Variants in SRP54 observed in about 807,000 individuals in gnomAD.
SRP54 encodes the protein signal recognition particle 54, also known as signal recognition particle subunit SRP54.
A neutral mutation model predicts 64.8 loss-of-function variants in SRP54; 10 were observed. That is an observed-to-expected ratio of 0.15 (90% CI 0.10 to 0.26). The LOEUF (loss-of-function observed/expected upper bound fraction) is 0.26, where lower values mean the gene tolerates loss of function less well. Among genes scored for constraint, SRP54 ranks in the 10% least tolerant of loss-of-function variants. SRP54 has a pLI of 1.00. For missense variants in SRP54, 325 were observed against 613.7 expected, an observed-to-expected ratio of 0.53 and a Z score of 4.97; for synonymous variants, 193 against 185.6, an observed-to-expected ratio of 1.04 and a Z score of -0.32.
chr14:34,984,660 C>T (rs1257535758), intron 1 of SRP54, among the ~76,000 whole-genome samples: 2 of 152,156 alleles, frequency 1.3e-5, no homozygotes, highest in Non-Finnish European at 2.9e-5. Flanking sequence ...TGCCACCACG[C>T]CCAGCTAATT....
chr14:34,984,838 T>C (rs2043868827), intron 1 of SRP54, among the ~76,000 whole-genome samples: 1 of 151,926 alleles, frequency 6.6e-6, no homozygotes, highest in Non-Finnish European at 1.5e-5. Context: ...CATGAGTTGA[T>C]AGTTCTGTAC....
chr14:35,023,275 T>G (rs143469267), intron 14 of SRP54, among the ~76,000 whole-genome samples, 195 bp downstream of exon 14: 81 of 151,980 alleles, frequency 5.3e-4, no homozygotes, highest in African/African-American at 1.8e-3. Context: ...ACTTTACATC[T>G]GTGTAGTGTG....
chr14:35,015,219 G>A (rs1256491537), intron 11 of SRP54, among the ~76,000 whole-genome samples: 1 of 152,122 alleles, frequency 6.6e-6, no homozygotes, highest in Non-Finnish European at 1.5e-5. Context: ...TGGGATTACG[G>A]GCACGTACCA....
chr14:35,011,694 C>G (rs922604272), intron 8 of SRP54, 35 bp downstream of exon 8: 8 of 1,433,208 alleles, frequency 5.6e-6, no homozygotes, highest in African/African-American at 1.4e-5. Flanking sequence ...ATTATTAGGA[C>G]TTTGGTTAAT....
chr14:34,995,076 C>T (rs980159943), intron 1 of SRP54, among the ~76,000 whole-genome samples: 2 of 148,062 alleles, frequency 1.4e-5, no homozygotes, highest in African/African-American at 5.0e-5. Context: ...GCCACTGTAC[C>T]TGGCCTTTTT....
intron 13 of SRP54, among the ~76,000 whole-genome samples, chr14:35,020,474 AGTCAGTTCT>A (rs1299275091): frequency 2.6e-5 from 4 of 152,228 alleles, no homozygotes; most frequent in African/African-American, 9.6e-5. Flanking sequence ...CCAAAATTGG[AGTCAGTTCT>A]GTCAAACCCT....
intron 8 of SRP54, 139 bp from the exon 9 acceptor site, chr14:35,013,207 G>A (rs910375552): frequency 1.3e-5 from 9 of 716,578 alleles, no homozygotes; most frequent in Middle Eastern, 4.1e-4. Flanking sequence ...CACCTGGCTC[G>A]GCCTCCCAAA....
At chr14:35,020,027 A>G (rs558867643) in intron 13 of SRP54, among the ~76,000 whole-genome samples, 34 of 152,040 alleles carry the variant, frequency 2.2e-4, no homozygotes, top group Non-Finnish European at 4.9e-4. Context: ...TACTAAAAAT[A>G]CAAAAAAATT....
intron 7 of SRP54, 72 bp downstream of exon 7, chr14:35,008,903 T>G: frequency 8.4e-7 from 1 of 1,189,362 alleles, no homozygotes; most frequent in Non-Finnish European, 1.2e-6. Context: ...TTTTTTTTTT[T>G]TGAGACGGAG....
intron 1 of SRP54, among the ~76,000 whole-genome samples, chr14:34,983,878 A>G (rs777230975): frequency 1.3e-5 from 2 of 152,230 alleles, no homozygotes; most frequent in African/African-American, 4.8e-5. Flanking sequence ...AATGAGAAAC[A>G]CTAGTTGCAT....
intron 1 of SRP54, among the ~76,000 whole-genome samples, chr14:34,986,130 CTT>C (rs145956462): frequency 9.3e-4 from 141 of 151,234 alleles, no homozygotes; most frequent in African/African-American, 3.3e-3. Context: ...TGCTAATTGA[CTT>C]TTTTTTTGGT....
intron 1 of SRP54, among the ~76,000 whole-genome samples, chr14:34,995,128 A>G (rs1195974192): frequency 1.8e-5 from 2 of 108,550 alleles, no homozygotes; most frequent in African/African-American, 7.2e-5. Context: ...AGCAGAATCA[A>G]TAAAGGGTGT....
At chr14:34,999,904 G>A (rs2044142923) in intron 3 of SRP54, 3 of 281,498 alleles carry the variant, frequency 1.1e-5, no homozygotes, top group Non-Finnish European at 2.0e-5. Flanking sequence ...TATTTGAATG[G>A]ATTTGATTAA....
chr14:35,021,632 C>CAA (rs11373911), intron 13 of SRP54, among the ~76,000 whole-genome samples: 20 of 132,322 alleles, frequency 1.5e-4, no homozygotes, highest in East Asian at 6.2e-4. Flanking sequence ...CACTCTGTCT[C>CAA]AAAAAAAAAA....
intron 2 of SRP54, chr14:34,997,058 T>C (rs1006343503): frequency 3.0e-6 from 1 of 330,088 alleles, no homozygotes; most frequent in Non-Finnish European, 5.6e-6. Flanking sequence ...ATTTTATCTT[T>C]TGAAAGTGGC....
chr14:34,987,972 C>T (rs2043923886), intron 1 of SRP54, among the ~76,000 whole-genome samples: 1 of 152,094 alleles, frequency 6.6e-6, no homozygotes, highest in African/African-American at 2.4e-5. Context: ...CCCGCCAAAA[C>T]CATAAATTCT....
Position 35,018,790 on chromosome 14 carries a change from C to A in SRP54, c.1047+25C>A, listed in dbSNP as rs1179842464. 5 of 1,581,522 alleles carry A rather than the reference C, an allele frequency of 3.2e-6. No homozygotes were observed. The African/African-American group carries it at 5.5e-5, about 17-fold the overall frequency. On this transcript the variant is annotated intron_variant, in intron 12 of 15. Transcript: ENST00000216774. ...GGTTAGTTATCCTTAAAACTTTATACCTTCTTTTGTTTTCATTAAATTTTC... is the reference window on the plus strand; with the variant it reads ...GGTTAGTTATCCTTAAAACTTTATAACTTCTTTTGTTTTCATTAAATTTTC...
intron 14 of SRP54, among the ~76,000 whole-genome samples, chr14:35,024,058 C>G (rs1434709148): frequency 6.6e-6 from 1 of 152,058 alleles, no homozygotes; most frequent in African/African-American, 2.4e-5. Flanking sequence ...GACAGAGTCT[C>G]TCTCTGTCAC....
At chr14:34,992,019 C>T (rs1447281563) in intron 1 of SRP54, among the ~76,000 whole-genome samples, 12 of 152,144 alleles carry the variant, frequency 7.9e-5, no homozygotes, top group South Asian at 6.2e-4. Flanking sequence ...CTGCAACCTC[C>T]GCCTCCTGGT....
Sources: allele counts gnomAD v4.1 joint callset (sites outside exome capture counted in the v4.1 genomes callset), GRCh38; gene constraint gnomAD v4.1.1; transcripts MANE v1.5; gene names NCBI Gene and HGNC (gene_info 2026-07-23, HGNC 2026-07-21).